SLC47A1: variants seen among roughly 807,000 people sequenced by gnomAD.
The protein encoded by SLC47A1 is multidrug and toxin extrusion protein 1.
Under a neutral mutation model 65.8 loss-of-function variants are expected in SLC47A1, and 58 were observed. The ratio of observed to expected loss-of-function variants is 0.88; its 90% CI spans 0.71 to 1.10. The LOEUF is 1.10. SLC47A1 is among the 50% of genes least tolerant of loss of function. SLC47A1 has a pLI of 0.00. For synonymous variants in SLC47A1, 285 were observed against 295.0 expected (o/e 0.97, Z 0.35); for missense variants, 706 against 719.2 (o/e 0.98, Z 0.21).
At position 19,566,138 on chromosome 17, in the gene SLC47A1, T is replaced by C. The variant is rs75302744; in HGVS notation, c.1107-652T>C. On this transcript the variant is annotated intron_variant, in intron 12 of 16. Transcript: ENST00000270570. The stretch of plus-strand genomic sequence containing the variant: ...TGGTTATGGCCTACTTTATTACTAC[T>C]GTTGTTACTCTCTTACTGTGCCCAA... Among the ~76,000 whole-genome samples, 1,322 of 152,314 alleles carry C rather than the reference T, an allele frequency of 8.7e-3. 56 individuals carry two copies. Among genetic ancestry groups the C allele is most frequent in the East Asian group, 0.066 (343 of 5,182 alleles).
At chr17:19,545,568 G>GT (rs1916266427) in intron 2 of SLC47A1, among the ~76,000 whole-genome samples, 1 of 151,876 alleles carries the variant, frequency 6.6e-6, no homozygotes, top group African/African-American at 2.4e-5. Context: ...TCAGTTCACT[G>GT]TAACCTCTGC....
At chr17:19,563,418 C>T (rs12452941) in intron 12 of SLC47A1, among the ~76,000 whole-genome samples, 65,939 of 151,558 alleles carry the variant, frequency 0.44, 14,675 homozygotes, top group Middle Eastern at 0.6. Context: ...AGCCATAAGC[C>T]ACCACGCCCG....
intron 10 of SLC47A1, among the ~76,000 whole-genome samples, chr17:19,558,474 T>A (rs926149906): frequency 9.2e-5 from 14 of 152,134 alleles, no homozygotes; most frequent in African/African-American, 3.1e-4. Flanking sequence ...TTACTTATTT[T>A]TTTTTTTTTA....
intron 16 of SLC47A1, among the ~76,000 whole-genome samples, 179 bp from the exon 17 acceptor site, chr17:19,577,148 G>A (rs2084447009): frequency 6.6e-6 from 1 of 152,146 alleles, no homozygotes; most frequent in Non-Finnish European, 1.5e-5. Context: ...ATCGGTGTTC[G>A]TGAAGGAGTG....
chr17:19,559,429 G>C (rs2084289792), intron 10 of SLC47A1, among the ~76,000 whole-genome samples: 1 of 152,220 alleles, frequency 6.6e-6, no homozygotes, highest in African/African-American at 2.4e-5. Flanking sequence ...GGCTGAGGTT[G>C]CAGGATCGTT....
chr17:19,563,283 C>T (rs1196349395), intron 12 of SLC47A1, among the ~76,000 whole-genome samples: 1 of 151,736 alleles, frequency 6.6e-6, no homozygotes, highest in Non-Finnish European at 1.5e-5. Flanking sequence ...CAGGCGCCCG[C>T]CACCACGCTC....
chr17:19,537,483 G>T (rs1916021776), intron 1 of SLC47A1, among the ~76,000 whole-genome samples: 2 of 152,216 alleles, frequency 1.3e-5, no homozygotes, highest in Non-Finnish European at 2.9e-5. Flanking sequence ...AGGGAAGGTG[G>T]TTCCTTCCAT....
At chr17:19,537,412 T>G (rs1018180086) in intron 1 of SLC47A1, among the ~76,000 whole-genome samples, 13 of 152,192 alleles carry the variant, frequency 8.5e-5, no homozygotes, top group African/African-American at 3.1e-4. Context: ...TGACACCAAA[T>G]TCTGCAGGGG....
chr17:19,574,174 C>T (rs948134796), intron 16 of SLC47A1, among the ~76,000 whole-genome samples: 43 of 151,718 alleles, frequency 2.8e-4, no homozygotes, highest in Admixed American at 1.8e-3. Flanking sequence ...CCACCCTCCT[C>T]GGCCCCCCAA....
At position 19,555,432 on chromosome 17, in the gene SLC47A1, T is replaced by G. The variant is rs1439694118; in HGVS notation, c.641+123T>G. 6.9e-6 allele frequency: 9 copies of G among 1,296,554 alleles called. No individual in the cohort carries two copies. The African/African-American group carries it at 1.0e-4, about 15-fold the overall frequency. The allele number at this position is 1,296,554 out of a possible 1,614,324, so 80.3% of individuals were successfully genotyped here. On this transcript the variant is annotated intron_variant, in intron 7 of 16. Coordinates refer to ENST00000270570, the MANE Select transcript of SLC47A1 (RefSeq NM_018242.3). ...CATGCGTGGTCTCTTTCTTGCACAC[T>G]GTGGAAAGCACTGTCAGGGATGGAG...
chr17:19,549,551 T>G lies in SLC47A1; in HGVS notation c.456-84T>G, dbSNP rs1413899658. The G allele has an allele frequency of 3.6e-6, 5 of 1,388,006 alleles. No homozygotes were observed. In the East Asian group the frequency reaches 1.1e-4, roughly 32 times the overall value. The allele number at this position is 1,388,006 out of a possible 1,614,324, so 86.0% of individuals were successfully genotyped here. A position where few individuals can be genotyped will look rare whatever the true frequency, so the allele number is the denominator to read the frequency against. On this transcript the variant is annotated intron_variant, in intron 4 of 16. Coordinates refer to ENST00000270570, the MANE Select transcript of SLC47A1 (RefSeq NM_018242.3). The stretch of plus-strand genomic sequence containing the variant: ...ACAGCCAAGAATGGAAAAGGCAGTT[T>G]TAGTTATTTTCTTCTGCCTAACTTT...
At chr17:19,566,457 G>A (rs571152366) in intron 12 of SLC47A1, among the ~76,000 whole-genome samples, 1 of 151,922 alleles carries the variant, frequency 6.6e-6, no homozygotes, top group African/African-American at 2.4e-5. Flanking sequence ...AGACAGTCTC[G>A]CTCTGTCATT....
At position 19,540,849 on chromosome 17, in the gene SLC47A1, GACACAC is replaced by G. The variant is rs144308134; in HGVS notation, c.136-1521_136-1516del. On this transcript the variant is annotated intron_variant, in intron 1 of 16. Transcript: ENST00000270570. Reference sequence around the variant, plus strand: ...CAAGAAAGATACTTCTCCTACAACAGACACACACACACACACACACACACACACCCC... The same window carrying G: ...CAAGAAAGATACTTCTCCTACAACAGACACACACACACACACACACACCCC... 7.8e-3 allele frequency among the ~76,000 whole-genome samples: 1,114 copies of G among 143,006 alleles called. 23 individuals carry two copies. The highest frequency in any genetic ancestry group is 0.027 in the African/African-American group (1,061 of 39,912). The allele number at this position is 143,006 out of a possible 152,430, so 93.8% of individuals were successfully genotyped here.
intron 16 of SLC47A1, 119 bp downstream of exon 16, chr17:19,572,980 T>G (rs2084412080): frequency 1.2e-6 from 1 of 808,116 alleles, no homozygotes; most frequent in Non-Finnish European, 2.1e-6. Context: ...GCAATAATGT[T>G]TCAGAAACAC....
intron 5 of SLC47A1, among the ~76,000 whole-genome samples, 162 bp from the exon 6 acceptor site, chr17:19,551,262 A>C (rs2247518): frequency 0.21 from 31,257 of 151,968 alleles, 3,363 homozygotes; most frequent in East Asian, 0.4. Context: ...GGGCCATAAC[A>C]CCCTGGCCCC....
At chr17:19,555,494 G>A in intron 7 of SLC47A1, 99 bp from the exon 8 acceptor site, 1 of 1,383,830 alleles carries the variant, frequency 7.2e-7, no homozygotes, top group South Asian at 1.2e-5. Flanking sequence ...TTGGCCTGCT[G>A]AGGACAGCAC....
At chr17:19,563,334 G>A (rs1040180934) in intron 12 of SLC47A1, among the ~76,000 whole-genome samples, 10 of 151,522 alleles carry the variant, frequency 6.6e-5, no homozygotes, top group Middle Eastern at 3.2e-3. Context: ...GGGTTTCACC[G>A]TGTTAGCCAG....
At chr17:19,558,331 T>G (rs1294681786) in intron 10 of SLC47A1, among the ~76,000 whole-genome samples, 1 of 152,196 alleles carries the variant, frequency 6.6e-6, no homozygotes, top group Non-Finnish European at 1.5e-5. Flanking sequence ...AAATTTAGAT[T>G]GTCCGTTTTG....
chr17:19,549,765 A>T, intron 5 of SLC47A1, 88 bp downstream of exon 5: 1 of 1,388,674 alleles, frequency 7.2e-7, no homozygotes, highest in Non-Finnish European at 1.0e-6. Flanking sequence ...GTATTGGCTC[A>T]GTCTTAGATG....
Sources: gnomAD v4.1 joint callset for allele counts (sites outside exome capture counted in the v4.1 genomes callset) on GRCh38, gnomAD v4.1.1 for gene constraint, MANE v1.5 for transcripts, NCBI Gene and HGNC (gene_info 2026-07-23, HGNC 2026-07-21) for gene names.